Variants in FAM53B observed in about 807,000 individuals in gnomAD.
FAM53B encodes the protein family with sequence similarity 53 member B.
FAM53B carries 12 observed loss-of-function variants against 32.7 expected under a neutral mutation model. That is an observed-to-expected ratio of 0.37 (90% CI 0.24 to 0.59). The LOEUF is 0.59. FAM53B is among the 20% of genes least tolerant of loss of function. The pLI is 0.72. For missense variants in FAM53B, 477 were observed against 577.7 expected (o/e 0.83, Z 1.79); for synonymous variants, 234 against 228.7 (o/e 1.02, Z -0.21).
chr10:124,654,281 A>G (rs1397941236), intron 4 of FAM53B, among the ~76,000 whole-genome samples: 1 of 152,236 alleles, frequency 6.6e-6, no homozygotes, highest in Non-Finnish European at 1.5e-5. Context: ...CTTCAAACAA[A>G]GGACCTGGAG....
intron 1 of FAM53B, among the ~76,000 whole-genome samples, chr10:124,708,753 G>A (rs547289258): frequency 2.5e-4 from 38 of 152,352 alleles, no homozygotes; most frequent in South Asian, 8.3e-4. Flanking sequence ...TCAGCTCTAC[G>A]GCAGCCAGCC....
chr10:124,731,849 T>C (rs147920036), intron 1 of FAM53B, among the ~76,000 whole-genome samples: 1 of 152,218 alleles, frequency 6.6e-6, no homozygotes, highest in African/African-American at 2.4e-5. Flanking sequence ...AGATGCTCCC[T>C]GCAGTTCTTC....
chr10:124,711,863 G>A (rs1002420841), intron 1 of FAM53B, among the ~76,000 whole-genome samples: 5 of 151,682 alleles, frequency 3.3e-5, no homozygotes, highest in African/African-American at 1.2e-4. Flanking sequence ...ACCAGCCTAG[G>A]CAACACAGCA....
intron 1 of FAM53B, among the ~76,000 whole-genome samples, chr10:124,709,797 G>A (rs1187802454): frequency 3.3e-5 from 5 of 150,760 alleles, no homozygotes; most frequent in African/African-American, 9.8e-5. Flanking sequence ...CAAGAAGAGC[G>A]AGTCCACTAG....
intron 3 of FAM53B, among the ~76,000 whole-genome samples, chr10:124,690,241 G>C (rs1949825318): frequency 6.6e-6 from 1 of 152,250 alleles, no homozygotes; most frequent in Non-Finnish European, 1.5e-5. Context: ...CTGAGAAAGA[G>C]CATGAATGTG....
chr10:124,688,194 G>T (rs1441855952), intron 3 of FAM53B, among the ~76,000 whole-genome samples: 2 of 152,010 alleles, frequency 1.3e-5, no homozygotes, highest in Non-Finnish European at 1.5e-5. Context: ...AACACGCAAG[G>T]GCCCATCAGC....
chr10:124,722,242 C>T (rs559755890), intron 1 of FAM53B, among the ~76,000 whole-genome samples: 16 of 152,260 alleles, frequency 1.1e-4, no homozygotes, highest in Non-Finnish European at 1.3e-4. Context: ...ATGCTAATCA[C>T]CCTGAGCCGA....
chr10:124,692,714 CAAAAAAAA>C (rs5788679), intron 3 of FAM53B, among the ~76,000 whole-genome samples: 2 of 69,046 alleles, frequency 2.9e-5, no homozygotes, highest in Non-Finnish European at 2.4e-5. Flanking sequence ...TACTCCATCT[CAAAAAAAA>C]AAAAAAAAAA....
chr10:124,623,867 G>T, intron 4 of FAM53B: 1 of 466,824 alleles, frequency 2.1e-6, no homozygotes, highest in Non-Finnish European at 3.8e-6. Flanking sequence ...ATTTGATGCA[G>T]ACCCAGTTCT....
At chr10:124,673,223 C>G (rs2134063902) in intron 4 of FAM53B, among the ~76,000 whole-genome samples, 1 of 152,232 alleles carries the variant, frequency 6.6e-6, no homozygotes, top group Non-Finnish European at 1.5e-5. Context: ...AACCTACAGT[C>G]CATGCTGCTC....
chr10:124,742,702 A>G (rs780272796), intron 1 of FAM53B: 1 of 152,280 alleles, frequency 6.6e-6, no homozygotes, highest in Non-Finnish European at 1.5e-5. Flanking sequence ...TTGAACAAAC[A>G]TTTGTTCCTG....
chr10:124,728,113 T>G (rs2134099826), intron 1 of FAM53B, among the ~76,000 whole-genome samples: 1 of 152,344 alleles, frequency 6.6e-6, no homozygotes, highest in African/African-American at 2.4e-5. Context: ...TCGCTTGGCT[T>G]CGCGATCCAG....
At chr10:124,671,178 T>A (rs763693881) in intron 4 of FAM53B, 12 of 454,040 alleles carry the variant, frequency 2.6e-5, no homozygotes, top group South Asian at 1.9e-4. Flanking sequence ...ATCTGCTCCA[T>A]TCACAGCAGT....
In FAM53B at chr10:124,733,105, A is replaced by G. The variant is rs1320237780; in HGVS notation, c.-175+10908T>C. 6.6e-6 allele frequency among the ~76,000 whole-genome samples: 1 copy of G among 152,222 alleles called. No individual in the cohort carries two copies. The highest frequency in any genetic ancestry group is 2.4e-5 in the African/African-American group (1 of 41,458). On this transcript the variant is annotated intron_variant, in intron 1 of 4. Coordinates refer to ENST00000337318, the MANE Select transcript of FAM53B (RefSeq NM_014661.4). This position sits in a 1 kb window ranked among gnomAD's most constrained non-coding sequence, Gnocchi z 4.3. ...GAGGTTTACTGTTAAAATCAAAACC[A>G]TCTGTGGCTAACTTACTCACTTTCT...
intron 3 of FAM53B, among the ~76,000 whole-genome samples, chr10:124,691,869 T>C (rs1261201437): frequency 6.6e-6 from 1 of 152,160 alleles, no homozygotes. Flanking sequence ...AGGATGACTC[T>C]CAGCCACAGC....
intron 4 of FAM53B, among the ~76,000 whole-genome samples, chr10:124,630,465 A>G (rs1202242747): frequency 1.3e-5 from 2 of 152,142 alleles, no homozygotes; most frequent in Non-Finnish European, 2.9e-5. Context: ...TTTTTGTGAA[A>G]TGCTTACCAC....
At chr10:124,679,750 A>G (rs185764442) in intron 4 of FAM53B, among the ~76,000 whole-genome samples, 4 of 152,330 alleles carry the variant, frequency 2.6e-5, no homozygotes, top group African/African-American at 9.6e-5. Context: ...ACCTTCCCAG[A>G]TCTGGGAGGC....
At chr10:124,663,083 C>A (rs761400154) in intron 4 of FAM53B, among the ~76,000 whole-genome samples, 6 of 152,230 alleles carry the variant, frequency 3.9e-5, no homozygotes, top group South Asian at 2.1e-4. Context: ...GCCTTCTTGT[C>A]CTTGTCTTTC....
intron 1 of FAM53B, among the ~76,000 whole-genome samples, chr10:124,735,316 A>C (rs1012591699): frequency 7.9e-5 from 12 of 152,198 alleles, no homozygotes; most frequent in African/African-American, 2.7e-4. Context: ...ATCATGACCC[A>C]TACATGCATT....
Sources: gnomAD v4.1 joint callset for allele counts (sites outside exome capture counted in the v4.1 genomes callset) on GRCh38, gnomAD v4.1.1 for gene constraint, Gnocchi (gnomAD v3.1) non-coding constraint, MANE v1.5 for transcripts, NCBI Gene and HGNC (gene_info 2026-07-23, HGNC 2026-07-21) for gene names.